The following CDH11 variants were observed in gnomAD, a reference collection of about 807,000 sequenced individuals.
CDH11 encodes the protein cadherin-11.
CDH11 carries 11 observed loss-of-function variants against 67.8 expected under a neutral mutation model. The ratio of observed to expected loss-of-function variants is 0.16; its 90% CI spans 0.10 to 0.27. The LOEUF is 0.27. Ranked by LOEUF, CDH11 falls within the 10% of genes least tolerant of loss-of-function variation. CDH11 has a pLI of 1.00. For synonymous variants in CDH11, 419 were observed against 400.0 expected (o/e 1.05, Z -0.57); for missense variants, 847 against 1,031.2 (o/e 0.82, Z 2.45).
At chr16:65,005,625 A>T (rs985356179) in intron 2 of CDH11, among the ~76,000 whole-genome samples, 2 of 152,178 alleles carry the variant, frequency 1.3e-5, no homozygotes, top group African/African-American at 4.8e-5. Flanking sequence ...CCAAGAAACC[A>T]TTGATGGTTA....
chr16:65,001,732 A>T (rs548797691), intron 3 of CDH11, among the ~76,000 whole-genome samples: 1 of 152,120 alleles, frequency 6.6e-6, no homozygotes. Context: ...TGTGTCTAAC[A>T]AAGATGATTT....
At chr16:64,993,413 A>T (rs542070625) in intron 4 of CDH11, among the ~76,000 whole-genome samples, 2 of 152,322 alleles carry the variant, frequency 1.3e-5, no homozygotes, top group South Asian at 4.1e-4. Context: ...AGTATAATAA[A>T]TGATAATTAA....
intron 1 of CDH11, among the ~76,000 whole-genome samples, chr16:65,085,268 C>G (rs958396351): frequency 6.6e-6 from 1 of 152,128 alleles, no homozygotes; most frequent in African/African-American, 2.4e-5. Context: ...AGATTACCAG[C>G]CAAAGCTGCA....
Position 64,943,897 on chromosome 16 carries a change from AC to A in CDH11, c.*3705del, listed in dbSNP as rs2142354582. On this transcript the variant is annotated 3_prime_UTR_variant, in exon 13 of 13. Coordinates refer to ENST00000268603, the MANE Select transcript of CDH11 (RefSeq NM_001797.4). Reference sequence around the variant, plus strand: ...TCTAGTGGGGCAGTCAGTCCCACCCACCCACACACATACATAAAGCCAAAAA... The same window carrying A: ...TCTAGTGGGGCAGTCAGTCCCACCCACCACACACATACATAAAGCCAAAAA... 4.4e-6 allele frequency: 1 copy of A among 229,514 alleles called. No homozygotes were observed. The highest frequency in any genetic ancestry group is 2.2e-5 in the African/African-American group (1 of 45,274). 14.2% of individuals were successfully genotyped at this position (229,514 alleles called of 1,614,324 possible). A position where few individuals can be genotyped will look rare whatever the true frequency, so the allele number is the denominator to read the frequency against.
At chr16:65,055,080 C>T (rs1014507239) in intron 1 of CDH11, among the ~76,000 whole-genome samples, 4 of 152,166 alleles carry the variant, frequency 2.6e-5, no homozygotes, top group African/African-American at 9.7e-5. Flanking sequence ...GACAGAGTAA[C>T]ACTGGAGTTA....
At chr16:65,005,704 A>G (rs986393759) in intron 2 of CDH11, among the ~76,000 whole-genome samples, 71 of 152,234 alleles carry the variant, frequency 4.7e-4, no homozygotes, top group African/African-American at 1.6e-3. Context: ...TATAGTGTCA[A>G]TTCAAGGAGG....
chr16:65,086,284 A>T (rs562351319), intron 1 of CDH11, among the ~76,000 whole-genome samples: 86 of 152,240 alleles, frequency 5.6e-4, no homozygotes, highest in Non-Finnish European at 1.1e-3. Context: ...TACACTAGGT[A>T]TACCAATGGT....
chr16:65,026,254 A>G (rs4967881), intron 2 of CDH11, among the ~76,000 whole-genome samples: 54,277 of 151,960 alleles, frequency 0.36, 10,012 homozygotes, highest in South Asian at 0.5. Flanking sequence ...ATTTTCAGAA[A>G]AAAATTTTCT....
chr16:65,037,965 G>C (rs1310390869), intron 2 of CDH11, among the ~76,000 whole-genome samples: 2 of 152,030 alleles, frequency 1.3e-5, no homozygotes, highest in Non-Finnish European at 2.9e-5. Flanking sequence ...AAACTGGCAG[G>C]GATGTATTTC....
chr16:65,009,496 A>C (rs1313598287), intron 2 of CDH11, among the ~76,000 whole-genome samples: 2 of 152,098 alleles, frequency 1.3e-5, no homozygotes, highest in African/African-American at 4.8e-5. Context: ...TGTTTTATGA[A>C]ATATTTCTAG....
intron 2 of CDH11, among the ~76,000 whole-genome samples, chr16:65,020,249 T>A (rs924884597): frequency 1.3e-5 from 2 of 152,240 alleles, no homozygotes; most frequent in Admixed American, 6.5e-5. Flanking sequence ...GCAGTTAATG[T>A]AGTTTAGTAA....
At chr16:65,107,713 T>C (rs1285683038) in intron 1 of CDH11, among the ~76,000 whole-genome samples, 1 of 152,216 alleles carries the variant, frequency 6.6e-6, no homozygotes, top group Non-Finnish European at 1.5e-5. Context: ...AAAGCAAACC[T>C]GTGCATTCAC....
chr16:64,951,153 A>G, intron 11 of CDH11, 135 bp from the exon 12 acceptor site: 2 of 843,970 alleles, frequency 2.4e-6, no homozygotes, highest in Non-Finnish European at 3.6e-6. Context: ...TTGTTCTTTC[A>G]TCTAAGTATC....
At chr16:65,004,218 T>C (rs1485090237) in intron 3 of CDH11, among the ~76,000 whole-genome samples, 5 of 151,844 alleles carry the variant, frequency 3.3e-5, no homozygotes, top group Non-Finnish European at 7.4e-5. Flanking sequence ...TGAAATAAAA[T>C]ACAGATTAGC....
intron 12 of CDH11, chr16:64,948,420 G>A (rs981934635): frequency 1.6e-6 from 1 of 622,988 alleles, no homozygotes; most frequent in Non-Finnish European, 2.8e-6. Flanking sequence ...AAATATGTTG[G>A]TCTGTAGTCT....
intron 3 of CDH11, among the ~76,000 whole-genome samples, chr16:65,001,817 A>AAC (rs2072927071): frequency 1.3e-5 from 2 of 151,026 alleles, no homozygotes; most frequent in Non-Finnish European, 1.5e-5. Context: ...AAAAACAAAA[A>AAC]CCCAGTTTCA....
At chr16:65,114,417 C>T (rs1039974628) in intron 1 of CDH11, among the ~76,000 whole-genome samples, 38 of 152,024 alleles carry the variant, frequency 2.5e-4, no homozygotes, top group Non-Finnish European at 4.4e-5. Flanking sequence ...TTTGGGAAGC[C>T]AGCTTTCCTT....
chr16:65,011,994 C>G (rs1442466279), intron 2 of CDH11, among the ~76,000 whole-genome samples: 2 of 152,134 alleles, frequency 1.3e-5, no homozygotes, highest in African/African-American at 4.8e-5. Flanking sequence ...TTTTCAATGG[C>G]TCTAGGCCTA....
chr16:65,012,889 A>G (rs1476913366), intron 2 of CDH11, among the ~76,000 whole-genome samples: 1 of 152,216 alleles, frequency 6.6e-6, no homozygotes, highest in Non-Finnish European at 1.5e-5. Context: ...CTGAATTTCT[A>G]AGAAGACTGA....
Sources: gnomAD v4.1 joint callset for allele counts (sites outside exome capture counted in the v4.1 genomes callset) on GRCh38, gnomAD v4.1.1 for gene constraint, MANE v1.5 for transcripts, NCBI Gene and HGNC (gene_info 2026-07-23, HGNC 2026-07-21) for gene names.